The following TTN variants were observed in gnomAD, a reference collection of about 807,000 sequenced individuals.
TTN encodes the protein connectin.
TTN carries 1,525 observed loss-of-function variants against 3,223.0 expected under a neutral mutation model. The ratio of observed to expected loss-of-function variants is 0.47; its 90% CI spans 0.45 to 0.49. TTN has a LOEUF of 0.49. TTN is among the 20% of genes least tolerant of loss of function. TTN has a pLI of 0.00. For synonymous variants in TTN, 14,094 were observed against 15,161.0 expected (o/e 0.93, Z 5.17); for missense variants, 40,786 against 43,424.0 (o/e 0.94, Z 5.40).
Position 178,654,299 on chromosome 2 carries a change from G to A in TTN, c.38297-8C>T. 6.3e-7 allele frequency: 1 copy of A among 1,596,010 alleles called. No homozygotes were observed. Among genetic ancestry groups the A allele is most frequent in the Non-Finnish European group, 8.5e-7 (1 of 1,177,102 alleles). On this transcript the variant is annotated splice_polypyrimidine_tract_variant and splice_region_variant and intron_variant, in intron 192 of 362. Transcript: ENST00000589042. ...CTTTAGGAGCTTCAGGAACTTTGAAGATATTAGTATCTTTTAGTTAGAAGC... is the reference window on the plus strand; with the variant it reads ...CTTTAGGAGCTTCAGGAACTTTGAAAATATTAGTATCTTTTAGTTAGAAGC...
chr2:178,586,870 G>A (rs1022757196), intron 307 of TTN, 63 bp from the exon 308 acceptor site: 3 of 1,567,082 alleles, frequency 1.9e-6, no homozygotes, highest in Admixed American at 4.0e-5. Context: ...CTTTGTTAAT[G>A]TACATAAGAG....
Position 178,564,936 on chromosome 2 carries a change from C to T in TTN, c.81196G>A (p.Val27066Ile). 2.5e-6 allele frequency: 4 copies of T among 1,612,328 alleles called. No individual in the cohort carries two copies. The highest frequency in any genetic ancestry group is 3.4e-6 in the Non-Finnish European group (4 of 1,179,206). The change falls in exon 326 of 363, where the codon GTA (valine) becomes ATA (isoleucine). Residue 27066 changes from valine (V) to isoleucine (I), a missense_variant. Val to Ile is a conservative substitution (Grantham distance 29, BLOSUM62 3). Transcript: ENST00000589042. ...SAPLDSKAVI[V>I]QYPFKEPGPP... ...CCAGGTTCTTTAAATGGATATTGTA[C>T]AATAACTGCCTTAGAATCCAGTGGG...
chr2:178,666,151 G>A (rs943525418), intron 163 of TTN, among the ~76,000 whole-genome samples: 2 of 152,054 alleles, frequency 1.3e-5, no homozygotes, highest in African/African-American at 4.8e-5. Flanking sequence ...CACACCTCAG[G>A]CACCTTAAAA....
chr2:178,723,092 T>A lies in TTN; in HGVS notation c.21915A>T (p.Glu7305Asp), dbSNP rs763316110. 5 of 1,613,530 alleles carry A rather than the reference T, an allele frequency of 3.1e-6. No homozygotes were observed. In the African/African-American group the frequency reaches 6.7e-5, roughly 22 times the overall value. Reference sequence around the variant, plus strand: ...CACAAACATCCCTTCCTGCCTCATTTTCAATCTCGCAGGAATACTGCCCTG... The same window carrying A: ...CACAAACATCCCTTCCTGCCTCATTATCAATCTCGCAGGAATACTGCCCTG... ...RDAGQYSCEI[E>D]NEAGRDVCGA... The change falls in exon 75 of 363, where the codon GAA becomes GAT. Residue 7305 changes from glutamate (E) to aspartate (D), a missense_variant. Glu to Asp is a conservative substitution (Grantham distance 45). Coordinates refer to ENST00000589042, the MANE Select transcript of TTN (RefSeq NM_001267550.2).
chr2:178,718,362 C>T lies in TTN; in HGVS notation c.24744G>A (p.Glu8248=). The change falls in exon 85 of 363, where the codon GAG becomes GAA. Residue 8248 remains glutamate (E), a synonymous_variant. Coordinates refer to ENST00000589042, the MANE Select transcript of TTN (RefSeq NM_001267550.2). ...YAQYSCLIEN[E]AGQDICEALV... is the part of the protein sequence containing the mutation. ...GAGCTTCACAGATATCTTGACCAGC[C>T]TCATTTTCTATCAGGCAGCTGTACT... is the stretch of plus-strand genomic sequence containing the variant. 6.2e-7 allele frequency: 1 copy of T among 1,613,692 alleles called. No homozygotes were observed. The highest frequency in any genetic ancestry group is 2.2e-5 in the East Asian group (1 of 44,862).
At chr2:178,749,902 C>T in intron 47 of TTN, 1 of 1,613,202 alleles carries the variant, frequency 6.2e-7, no homozygotes, top group Non-Finnish European at 8.5e-7. Flanking sequence ...ACCTGGCATG[C>T]TTTGGCATTT....
In TTN at chr2:178,538,706, T is replaced by C; in HGVS notation, c.99123A>G (p.Gly33041=). 6.2e-7 allele frequency: 1 copy of C among 1,613,782 alleles called. No individual in the cohort carries two copies. The highest frequency in any genetic ancestry group is 1.1e-5 in the South Asian group (1 of 91,070). The change falls in exon 354 of 363, where the codon GGA becomes GGG. Residue 33041 remains glycine (G), a synonymous_variant. Transcript: ENST00000589042. The stretch of plus-strand genomic sequence containing the variant: ...TATTGCTCTTCTTCCAGGCACTGTC[T>C]CCAGACTGTCTATATTCAACCCAGT... ...LGYWVEYRQS[G]DSAWKKSNKE...
Position 178,589,116 on chromosome 2 carries a change from T to G in TTN, c.62609A>C (p.Asn20870Thr), listed in dbSNP as rs376338324. Residue 20870 changes from asparagine to threonine, a missense_variant, in exon 304 of 363, where the codon AAT (asparagine) becomes ACT (threonine). Physicochemically the swap from Asn to Thr is moderately conservative, Grantham distance 65. Transcript: ENST00000589042. ...NVLDKPGPVR[N>T]LKIVDVSSDR... ...ACTGGACACATCAACAATTTTCAGATTTCTCACAGGACCAGGCTTATCTAA... is the reference window on the plus strand; with the variant it reads ...ACTGGACACATCAACAATTTTCAGAGTTCTCACAGGACCAGGCTTATCTAA... 8.1e-6 allele frequency: 13 copies of G among 1,612,058 alleles called. No homozygotes were observed. The African/African-American group carries it at 9.3e-5, about 12-fold the overall frequency.
rs1472380264 is a variant in TTN, at chr2:178,607,051, T to C, written c.53551A>G (p.Ile17851Val). ...GGATCAACTGCAAGAATTGGTCCTA[T>C]TTCAACAGGAGGGCCACAGCCAAAC... ...NKFGCGPPVE[I>V]GPILAVDPLG... The change falls in exon 278 of 363, where the codon ATA becomes GTA. Residue 17851 changes from isoleucine to valine, a missense_variant. Physicochemically the swap from Ile to Val is conservative, Grantham distance 29. Transcript: ENST00000589042. 1 of 1,611,688 alleles carries C rather than the reference T, an allele frequency of 6.2e-7. No individual in the cohort carries two copies. Among genetic ancestry groups the C allele is most frequent in the South Asian group, 1.1e-5 (1 of 90,528 alleles).
chr2:178,621,534 G>C lies in TTN; in HGVS notation c.45290C>G (p.Ala15097Gly). 6.2e-7 allele frequency: 1 copy of C among 1,612,490 alleles called. No individual in the cohort carries two copies. The highest frequency in any genetic ancestry group is 8.5e-7 in the Non-Finnish European group (1 of 1,179,076). ...TGGGAGTCGACAGTTGTAGTTGCCA[G>C]CATCCTCAAGGTGAGCGTTCTGAAT... ...LVIQNAHLEDAGNYNCRLPSS... is the reference protein window; with the variant it reads ...LVIQNAHLEDGGNYNCRLPSS... Residue 15097 changes from alanine to glycine, a missense_variant, in exon 245 of 363, where the codon GCT (alanine) becomes GGT (glycine). Ala to Gly is a moderately conservative substitution (Grantham distance 60, BLOSUM62 0). Coordinates refer to ENST00000589042, the MANE Select transcript of TTN (RefSeq NM_001267550.2).
intron 37 of TTN, 132 bp from the exon 38 acceptor site, chr2:178,769,065 G>T: frequency 9.9e-7 from 1 of 1,011,586 alleles, no homozygotes; most frequent in Non-Finnish European, 1.5e-6. Flanking sequence ...AGAGATATAA[G>T]CTTTGATACC....
intron 238 of TTN, 80 bp downstream of exon 238, chr2:178,630,724 G>C: frequency 6.5e-7 from 1 of 1,532,608 alleles, no homozygotes. Context: ...TAAATGTCCT[G>C]CATCCACTCT....
intron 330 of TTN, chr2:178,556,461 A>ACAAAC (rs1415121609): frequency 1.4e-5 from 3 of 220,078 alleles, no homozygotes; most frequent in South Asian, 1.5e-4. Context: ...CAAACAAAAA[A>ACAAAC]AAAAAAACCA....
At chr2:178,723,784 G>A (rs2154303076) in intron 73 of TTN, 72 bp downstream of exon 73, 2 of 1,536,562 alleles carry the variant, frequency 1.3e-6, no homozygotes, top group East Asian at 2.3e-5. Context: ...ACTTTCAAAT[G>A]TTTGTCAACA....
chr2:178,686,166 G>T (rs1357927562), intron 127 of TTN, among the ~76,000 whole-genome samples: 2 of 118,522 alleles, frequency 1.7e-5, no homozygotes, highest in African/African-American at 7.1e-5. Flanking sequence ...TGTCGCCCAG[G>T]CTGGAGTGCA....
chr2:178,770,774 T>C (rs1245872362), intron 34 of TTN, 99 bp from the exon 35 acceptor site: 3 of 1,434,352 alleles, frequency 2.1e-6, no homozygotes, highest in Non-Finnish European at 2.9e-6. Flanking sequence ...TGCAAAAGAA[T>C]GGCTACCAAA....
In TTN at chr2:178,695,887, T is replaced by G. The variant is rs1350052110; in HGVS notation, c.31185A>C (p.Gln10395His). 3 of 1,457,636 alleles carry G rather than the reference T, an allele frequency of 2.1e-6. No individual in the cohort carries two copies. Among genetic ancestry groups the G allele is most frequent in the Non-Finnish European group, 9.0e-7 (1 of 1,105,998 alleles). The allele number at this position is 1,457,636 out of a possible 1,614,324, so 90.3% of individuals were successfully genotyped here. Reference sequence around the variant, plus strand: ...TACCTTCATAGACCTCCTTTTGAACTTGAATTACTTCCCTTTCTTGGTAAG... The same window carrying G: ...TACCTTCATAGACCTCCTTTTGAACGTGAATTACTTCCCTTTCTTGGTAAG... ...EEAYQEREVIQVQKEVYEESH... is the reference protein window; with the variant it reads ...EEAYQEREVIHVQKEVYEESH... The change falls in exon 114 of 363, where the codon CAA (glutamine) becomes CAC (histidine). Residue 10395 changes from glutamine (Q) to histidine (H), a missense_variant. Coordinates refer to ENST00000589042, the MANE Select transcript of TTN (RefSeq NM_001267550.2).
Position 178,715,119 on chromosome 2 carries a change from G to A in TTN, c.26067C>T (p.Tyr8689=), listed in dbSNP as rs377125716. 1.9e-6 allele frequency: 3 copies of A among 1,613,558 alleles called. No homozygotes were observed. The highest frequency in any genetic ancestry group is 2.7e-5 in the African/African-American group (2 of 74,876). Residue 8689 remains tyrosine (Y), a synonymous_variant, in exon 90 of 363, where the codon TAC becomes TAT. Coordinates refer to ENST00000589042, the MANE Select transcript of TTN (RefSeq NM_001267550.2). ...TTAGGAAGTTCTCAGACATTATCTT[G>A]TACTTCTTGCCGCTCCTAAGTTCTC... is the stretch of plus-strand genomic sequence containing the variant. The part of the protein sequence containing the change: ...DKRELRSGKK[Y]KIMSENFLTS...
intron 13 of TTN, 47 bp downstream of exon 13, chr2:178,789,313 T>G (rs752720726): frequency 6.2e-7 from 1 of 1,608,116 alleles, no homozygotes; most frequent in Non-Finnish European, 8.5e-7. Context: ...TATGTGGTAT[T>G]AATGTATTAT....
Sources: gnomAD v4.1 joint callset for allele counts (sites outside exome capture counted in the v4.1 genomes callset) on GRCh38, gnomAD v4.1.1 for gene constraint, MANE v1.5 for transcripts, NCBI Gene and HGNC (gene_info 2026-07-23, HGNC 2026-07-21) for gene names.